The following ZNG1A variants were observed in gnomAD, a reference collection of about 807,000 sequenced individuals.
The protein encoded by ZNG1A is Zn regulated GTPase metalloprotein activator 1A.
At chr9:126,780 T>C in the ZNG1A span, among the ~76,000 whole-genome samples, 1 of 152,034 alleles carries the variant, frequency 6.6e-6, no homozygotes, top group African/African-American at 2.4e-5. Flanking sequence ...GGTGTGACCG[T>C]GGATTGTCTG....
the ZNG1A span, among the ~76,000 whole-genome samples, chr9:131,274 G>C: frequency 7.2e-6 from 1 of 139,676 alleles, no homozygotes; most frequent in African/African-American, 2.9e-5. Flanking sequence ...CAATAATTGA[G>C]AAAACTAAAG....
chr9:121,666 T>A, the ZNG1A span: 7 of 1,372,604 alleles, frequency 5.1e-6, no homozygotes, highest in Non-Finnish European at 6.1e-6. Flanking sequence ...TGCTTTATGG[T>A]GTTTAGAAAT....
the ZNG1A span, among the ~76,000 whole-genome samples, chr9:138,829 A>G: frequency 1.5e-4 from 23 of 149,998 alleles, no homozygotes; most frequent in Admixed American, 1.5e-3. Flanking sequence ...ACTTGAGCCC[A>G]GGAGGTTGAG....
chr9:140,673 G>A, the ZNG1A span, among the ~76,000 whole-genome samples: 1 of 150,446 alleles, frequency 6.6e-6, no homozygotes, highest in Non-Finnish European at 1.5e-5. Context: ...CACCAGCAAC[G>A]GAACAAAGCT....
the ZNG1A span, chr9:162,530 A>G: frequency 1.9e-6 from 3 of 1,558,670 alleles, no homozygotes; most frequent in East Asian, 6.9e-5. Context: ...TATTTGTACA[A>G]CCATACTTCA....
the ZNG1A span, among the ~76,000 whole-genome samples, chr9:131,478 A>T: frequency 2.7e-5 from 4 of 149,122 alleles, no homozygotes; most frequent in African/African-American, 1.0e-4. Context: ...CTTAAACTCA[A>T]AATCTGTACC....
the ZNG1A span, among the ~76,000 whole-genome samples, chr9:173,929 C>G: frequency 6.6e-6 from 1 of 152,074 alleles, no homozygotes; most frequent in Non-Finnish European, 1.5e-5. Context: ...GGGCGGATCA[C>G]GAGGTCAGGA....
At chr9:150,378 G>A in the ZNG1A span, 1 of 959,004 alleles carries the variant, frequency 1.0e-6, no homozygotes, top group Admixed American at 6.2e-5. Context: ...CACCCACCTT[G>A]GCCTCCCAAA....
the ZNG1A span, chr9:147,440 T>C: frequency 9.0e-6 from 1 of 111,192 alleles, no homozygotes; most frequent in Admixed American, 8.5e-5. Context: ...CTTTCTTTAT[T>C]CTCAACAGTC....
the ZNG1A span, among the ~76,000 whole-genome samples, chr9:169,291 T>C: frequency 6.7e-6 from 1 of 148,290 alleles, no homozygotes; most frequent in Non-Finnish European, 1.5e-5. Flanking sequence ...GTAAGAGAAC[T>C]AGAATTAGAA....
At chr9:126,481 T>C in the ZNG1A span, among the ~76,000 whole-genome samples, 3 of 151,950 alleles carry the variant, frequency 2.0e-5, no homozygotes, top group Admixed American at 6.6e-5. Context: ...TTAGGTTTTC[T>C]AGTTTATGCA....
At chr9:172,232 A>T in the ZNG1A span, 2 of 1,596,276 alleles carry the variant, frequency 1.3e-6, no homozygotes, top group Non-Finnish European at 1.7e-6. Flanking sequence ...AGTGATTATT[A>T]TAAACACTTT....
the ZNG1A span, chr9:178,720 T>C: frequency 9.8e-7 from 1 of 1,019,738 alleles, no homozygotes; most frequent in Non-Finnish European, 1.4e-6. Context: ...CTCTTGATCA[T>C]GAGGCCCCAA....
the ZNG1A span, among the ~76,000 whole-genome samples, chr9:156,154 C>CATATATATATATATAT: frequency 2.5e-4 from 33 of 134,082 alleles, no homozygotes; most frequent in Non-Finnish European, 3.8e-4. Flanking sequence ...TATTATTATA[C>CATATATATATATATAT]ATATATATAT....
chr9:147,398 T>C, the ZNG1A span: 2 of 92,750 alleles, frequency 2.2e-5, no homozygotes, highest in African/African-American at 1.2e-4. Context: ...GAAAAACATC[T>C]CCTTTATCTT....
At chr9:162,336 G>C in the ZNG1A span, 4 of 1,207,814 alleles carry the variant, frequency 3.3e-6, no homozygotes, top group Non-Finnish European at 4.4e-6. Context: ...TTTTGTTAAA[G>C]AAAATTTCAG....
the ZNG1A span, among the ~76,000 whole-genome samples, chr9:137,990 T>A: frequency 7.9e-6 from 1 of 126,620 alleles, no homozygotes; most frequent in Non-Finnish European, 1.6e-5. Context: ...AGGATATAAC[T>A]ATATTTACCA....
chr9:142,269 C>CA, the ZNG1A span, among the ~76,000 whole-genome samples: 2 of 123,300 alleles, frequency 1.6e-5, no homozygotes, highest in African/African-American at 3.6e-5. Flanking sequence ...ACACCTATTC[C>CA]AAAATTGACC....
chr9:128,765 C>T, the ZNG1A span, among the ~76,000 whole-genome samples: 1 of 150,564 alleles, frequency 6.6e-6, no homozygotes, highest in Non-Finnish European at 1.5e-5. Flanking sequence ...TTTTGTCATA[C>T]TACCAGGGTC....
Sources: gnomAD v4.1 joint callset for allele counts (sites outside exome capture counted in the v4.1 genomes callset) on GRCh38, gnomAD v4.1.1 for gene constraint, MANE v1.5 for transcripts, NCBI Gene and HGNC (gene_info 2026-07-23, HGNC 2026-07-21) for gene names.